Variants in EEF1B2 observed in about 807,000 individuals in gnomAD.
The protein encoded by EEF1B2 is eukaryotic translation elongation factor 1 beta 2, also known as elongation factor 1-beta.
In EEF1B2, 12 loss-of-function variants were observed where a neutral mutation model predicts 28.3. The observed-to-expected ratio is 0.42, with a 90% CI of 0.27 to 0.69. EEF1B2 has a LOEUF of 0.69. EEF1B2 is among the 30% of genes least tolerant of loss of function. The pLI is 0.22. For synonymous variants in EEF1B2, 83 were observed against 99.9 expected, an observed-to-expected ratio of 0.83 and a Z score of 1.01; for missense variants, 234 against 272.6, an observed-to-expected ratio of 0.86 and a Z score of 1.00.
rs1687929266 is a variant in EEF1B2 at position 206,161,459 on chromosome 2, CTGA to C, written c.324_326del (p.Asp108del). On this transcript the variant is annotated inframe_deletion, in exon 3 of 6. Transcript: ENST00000392222. ...GATGATGACATTGACCTCTTTGGAT[CTGA>C]TGATGAGGAGGTATGGCGTCTTCTA... is the stretch of plus-strand genomic sequence containing the variant. 6.2e-7 allele frequency: 1 copy of C among 1,613,736 alleles called. No homozygotes were observed. The highest frequency in any genetic ancestry group is 8.5e-7 in the Non-Finnish European group (1 of 1,179,812).
chr2:206,160,516 A>G, intron 1 of EEF1B2, 72 bp from the exon 2 acceptor site: 5 of 1,610,086 alleles, frequency 3.1e-6, no homozygotes, highest in South Asian at 1.1e-5. Flanking sequence ...TGTGATGCAT[A>G]CGGTATTTAT....
intron 4 of EEF1B2, 178 bp from the exon 5 acceptor site, chr2:206,162,311 C>T (rs767755310): frequency 3.3e-6 from 4 of 1,200,182 alleles, no homozygotes; most frequent in Non-Finnish European, 1.2e-6. Flanking sequence ...ACACAAACAC[C>T]TCTTTCTTAG....
intron 3 of EEF1B2, 58 bp downstream of exon 3, chr2:206,161,530 C>G (rs2105786170): frequency 6.2e-7 from 1 of 1,602,012 alleles, no homozygotes. Context: ...TGCCTGTAAT[C>G]CCAGCATGTT....
intron 1 of EEF1B2, 109 bp downstream of exon 1, chr2:206,160,168 G>A (rs1687867468): frequency 7.3e-7 from 1 of 1,374,282 alleles, no homozygotes; most frequent in Admixed American, 2.5e-5. Flanking sequence ...CCGGGCCCGG[G>A]GCCCTTTCGA....
intron 4 of EEF1B2, 33 bp from the exon 5 acceptor site, chr2:206,162,456 C>A: frequency 6.2e-7 from 1 of 1,609,564 alleles, no homozygotes; most frequent in South Asian, 1.1e-5. Flanking sequence ...AAATACAATT[C>A]ATTATTTGAA....
Position 206,160,785 on chromosome 2 carries a change from T to A in EEF1B2, c.203+75T>A, listed in dbSNP as rs1259078320. Reference sequence around the variant, plus strand: ...TATCAGGATGTTCACATGACAAAACTGGACCCAGGCTACTTTAGTTTTGTT... The same window carrying A: ...TATCAGGATGTTCACATGACAAAACAGGACCCAGGCTACTTTAGTTTTGTT... On this transcript the variant is annotated intron_variant, in intron 2 of 5. Coordinates refer to ENST00000392222, the MANE Select transcript of EEF1B2 (RefSeq NM_001959.4). The A allele has an allele frequency of 2.5e-6, 4 of 1,610,464 alleles. No homozygotes were observed. The Admixed American group carries it at 6.7e-5, about 27-fold the overall frequency.
chr2:206,160,539 G>A, intron 1 of EEF1B2, 49 bp from the exon 2 acceptor site: 2 of 1,613,170 alleles, frequency 1.2e-6, no homozygotes, highest in Non-Finnish European at 1.7e-6. Flanking sequence ...TTTATTCGCT[G>A]GCGTTTGTTT....
chr2:206,161,384 C>T lies in EEF1B2; in HGVS notation c.242C>T (p.Pro81Leu). The T allele has an allele frequency of 1.2e-6, 2 of 1,614,104 alleles. No individual in the cohort carries two copies. Among genetic ancestry groups the T allele is most frequent in the Admixed American group, 1.7e-5 (1 of 60,006 alleles). Residue 81 changes from proline to leucine, a missense_variant, in exon 3 of 6, where the codon CCT becomes CTT. Pro to Leu is a moderately conservative substitution (Grantham distance 98). Transcript: ENST00000392222. ...GVKKALGKYG[P>L]ADVEDTTGSG... ...AAGAAAGCTTTGGGCAAATATGGTC[C>T]TGCCGATGTGGAAGACACTACAGGA...
At chr2:206,161,725 G>A (rs948655495) in intron 3 of EEF1B2, 14 of 534,724 alleles carry the variant, frequency 2.6e-5, no homozygotes, top group East Asian at 7.2e-5. Context: ...AGCCAAGATC[G>A]TGCCACTGCA....
In EEF1B2 at chr2:206,159,902, C is replaced by T. The variant is rs1371771375; in HGVS notation, c.-78C>T. 2 of 1,527,186 alleles carry T rather than the reference C, an allele frequency of 1.3e-6. No individual in the cohort carries two copies. The highest frequency in any genetic ancestry group is 1.8e-6 in the Non-Finnish European group (2 of 1,132,212). 94.6% of individuals were successfully genotyped at this position (1,527,186 alleles called of 1,614,324 possible). ...TTTCCGGTCTCTTCGGGTCCTTTTT[C>T]CTCTCTTCAGCGTGGGGCGCCCACA... On this transcript the variant is annotated 5_prime_UTR_variant, in exon 1 of 6. Transcript: ENST00000392222.
At chr2:206,161,555 G>A (rs888170502) in intron 3 of EEF1B2, 83 bp downstream of exon 3, 1 of 1,570,792 alleles carries the variant, frequency 6.4e-7, no homozygotes, top group African/African-American at 1.3e-5. Context: ...GGCTGAGGCG[G>A]GTGGATCACG....
Position 206,159,927 on chromosome 2 carries a change from A to C in EEF1B2, c.-53A>C, listed in dbSNP as rs1012820357. 8 of 1,593,234 alleles carry C rather than the reference A, an allele frequency of 5.0e-6. No individual in the cohort carries two copies. The highest frequency in any genetic ancestry group is 6.8e-6 in the Non-Finnish European group (8 of 1,171,366). On this transcript the variant is annotated 5_prime_UTR_variant, in exon 1 of 6. Coordinates refer to ENST00000392222, the MANE Select transcript of EEF1B2 (RefSeq NM_001959.4). ...CCTCTCTTCAGCGTGGGGCGCCCAC[A>C]ATTTGCGCGCTCTCTTTCTGCTGCT... is the stretch of plus-strand genomic sequence containing the variant.
At position 206,160,112 on chromosome 2, in the gene EEF1B2, G is replaced by T. The variant is rs1687864083; in HGVS notation, c.80+53G>T. The T allele has an allele frequency of 3.8e-6, 6 of 1,583,718 alleles. No homozygotes were observed. The South Asian group carries it at 6.7e-5, about 18-fold the overall frequency. ...CGGGGAGGTTTCTCCGCCCGGGGCC[G>T]GGGCCACGTGGCGCAGCGTGTCGGC... On this transcript the variant is annotated intron_variant, in intron 1 of 5. Transcript: ENST00000392222.
intron 3 of EEF1B2, 64 bp downstream of exon 3, chr2:206,161,536 A>G: frequency 1.3e-6 from 2 of 1,598,284 alleles, no homozygotes; most frequent in East Asian, 2.3e-5. Flanking sequence ...TAATCCCAGC[A>G]TGTTGGGAGG....
At chr2:206,161,626 C>G (rs1687935540) in intron 3 of EEF1B2, among the ~76,000 whole-genome samples, 154 bp downstream of exon 3, 1 of 151,590 alleles carries the variant, frequency 6.6e-6, no homozygotes, top group Non-Finnish European at 1.5e-5. Flanking sequence ...ACTAAAAATA[C>G]AAAAAAATGT....
intron 1 of EEF1B2, 31 bp downstream of exon 1, chr2:206,160,090 G>A (rs1209361064): frequency 1.2e-6 from 2 of 1,605,304 alleles, no homozygotes; most frequent in Non-Finnish European, 8.5e-7. Flanking sequence ...GGGGTGGCGG[G>A]GAGGTTTCTC....
At chr2:206,162,166 C>T in intron 4 of EEF1B2, 62 bp downstream of exon 4, 2 of 1,520,254 alleles carry the variant, frequency 1.3e-6, no homozygotes, top group Non-Finnish European at 1.8e-6. Context: ...CAAAGCTTGA[C>T]CTTGAAGTAA....
In EEF1B2 at chr2:206,162,926, T is replaced by C. The variant is rs199944175; in HGVS notation, c.*43T>C. On this transcript the variant is annotated 3_prime_UTR_variant, in exon 6 of 6. Coordinates refer to ENST00000392222, the MANE Select transcript of EEF1B2 (RefSeq NM_001959.4). ...GGCATTTAAATAAAAGATTGAAAGA[T>C]TACCTTTGGCTCTTGAGTATGTTAC... is the stretch of plus-strand genomic sequence containing the variant. 1.5e-4 allele frequency: 244 copies of C among 1,579,296 alleles called. 2 individuals carry two copies. In the Admixed American group the frequency reaches 4.3e-3, roughly 28 times the overall value.
rs779753319 is a variant in EEF1B2 at position 206,162,493 on chromosome 2, T to C, written c.402T>C (p.Pro134=). The C allele has an allele frequency of 2.0e-5, 33 of 1,612,548 alleles. No homozygotes were observed. In the African/African-American group the frequency reaches 4.4e-4, roughly 22 times the overall value. ...AATGCTGTTTATTGTTTTTAGAACC[T>C]GCACTTGTTGCCAAGTCTTCCATCT... The part of the protein sequence containing the change: ...AQYESKKAKK[P]ALVAKSSILL... Residue 134 remains proline, a synonymous_variant, in exon 5 of 6, where the codon CCT becomes CCC. Coordinates refer to ENST00000392222, the MANE Select transcript of EEF1B2 (RefSeq NM_001959.4).
Sources: gnomAD v4.1 joint callset for allele counts (sites outside exome capture counted in the v4.1 genomes callset) on GRCh38, gnomAD v4.1.1 for gene constraint, MANE v1.5 for transcripts, NCBI Gene and HGNC (gene_info 2026-07-23, HGNC 2026-07-21) for gene names.